ESYT1: variants seen among roughly 807,000 people sequenced by gnomAD.
The protein encoded by ESYT1 is extended synaptotagmin 1.
A neutral mutation model predicts 154.2 loss-of-function variants in ESYT1; 116 were observed. The observed-to-expected ratio is 0.75, with a 90% CI of 0.65 to 0.88. The LOEUF (loss-of-function observed/expected upper bound fraction) is 0.88. Among genes scored for constraint, ESYT1 ranks in the 40% least tolerant of loss-of-function variants. ESYT1 has a pLI of 0.00. For missense variants in ESYT1, 1,264 were observed against 1,379.3 expected (o/e 0.92, Z 1.32); for synonymous variants, 500 against 539.9 (o/e 0.93, Z 1.02).
At chr12:56,132,361 C>T in intron 8 of ESYT1, 29 bp downstream of exon 8, 1 of 1,614,090 alleles carries the variant, frequency 6.2e-7, no homozygotes, top group Non-Finnish European at 8.5e-7. Context: ...TAGATAGATC[C>T]TTCTCTCAGG....
In ESYT1 at chr12:56,136,832, A is replaced by G. The variant is rs775919853; in HGVS notation, c.1721A>G (p.Gln574Arg). 4 of 1,610,320 alleles carry G rather than the reference A, an allele frequency of 2.5e-6. No individual in the cohort carries two copies. The East Asian group carries it at 6.7e-5, about 27-fold the overall frequency. ...ACTGCCCCAGAACTCATCCTGGACC[A>G]GTGGTTCCAGCTCAGCAGCTCTGGT... ...LLTAPELILDQWFQLSSSGPN... is the reference protein window; with the variant it reads ...LLTAPELILDRWFQLSSSGPN... The change falls in exon 16 of 31, where the codon CAG (glutamine) becomes CGG (arginine). Residue 574 changes from glutamine (Q) to arginine (R), a missense_variant. By Grantham distance (43) the Gln-to-Arg change is conservative. Transcript: ENST00000394048.
intron 11 of ESYT1, 31 bp from the exon 12 acceptor site, chr12:56,133,557 C>G (rs199574492): frequency 4.3e-6 from 7 of 1,612,860 alleles, no homozygotes; most frequent in Admixed American, 3.3e-5. Context: ...GAGCAGGTAT[C>G]TGATCTCTAC....
chr12:56,140,139 A>T (rs938305485), intron 24 of ESYT1, among the ~76,000 whole-genome samples: 1 of 152,058 alleles, frequency 6.6e-6, no homozygotes, highest in Non-Finnish European at 1.5e-5. Flanking sequence ...AAGTGCTGGG[A>T]TTACAAGCGT....
intron 16 of ESYT1, 117 bp from the exon 17 acceptor site, chr12:56,137,101 C>T (rs1870489051): frequency 7.1e-7 from 1 of 1,399,846 alleles, no homozygotes; most frequent in Non-Finnish European, 9.9e-7. Flanking sequence ...GAGATGAGCC[C>T]AGCCAGGGCA....
At chr12:56,135,252 T>A (rs1172471343) in intron 15 of ESYT1, among the ~76,000 whole-genome samples, 1 of 149,802 alleles carries the variant, frequency 6.7e-6, no homozygotes, top group Non-Finnish European at 1.5e-5. Context: ...CACCGCAACC[T>A]CCACCTCCTG....
intron 3 of ESYT1, 57 bp from the exon 4 acceptor site, chr12:56,130,983 T>C: frequency 6.2e-7 from 1 of 1,613,612 alleles, no homozygotes; most frequent in Non-Finnish European, 8.5e-7. Context: ...TGGCCCGGAG[T>C]AGACTCAGGT....
chr12:56,140,669 G>T (rs1870653698), intron 24 of ESYT1, among the ~76,000 whole-genome samples: 1 of 152,072 alleles, frequency 6.6e-6, no homozygotes, highest in Non-Finnish European at 1.5e-5. Flanking sequence ...AGTCAGGGAA[G>T]CCTTTAATGA....
In ESYT1 at chr12:56,133,429, T is replaced by C. The variant is rs1870321656; in HGVS notation, c.1257T>C (p.Asp419=). 6.2e-7 allele frequency: 1 copy of C among 1,614,048 alleles called. No homozygotes were observed. The highest frequency in any genetic ancestry group is 8.5e-7 in the Non-Finnish European group (1 of 1,180,044). ...CGCCAACCCTCAGAATGAAGCTGGATGTAGGGAAGGTGTTACAGGCTAGCG... is the reference window on the plus strand; with the variant it reads ...CGCCAACCCTCAGAATGAAGCTGGACGTAGGGAAGGTGTTACAGGCTAGCG... ...KDDFLGRMKL[D]VGKVLQASVL... is the part of the protein sequence containing the mutation. The change falls in exon 11 of 31, where the codon GAT becomes GAC. Residue 419 remains aspartate (D), a synonymous_variant. Coordinates refer to ENST00000394048, the MANE Select transcript of ESYT1 (RefSeq NM_015292.3).
chr12:56,130,485 C>G, intron 1 of ESYT1, 97 bp from the exon 2 acceptor site: 1 of 1,470,910 alleles, frequency 6.8e-7, no homozygotes, highest in Non-Finnish European at 9.5e-7. Context: ...GAGTCACACA[C>G]ACTCCCTCTC....
chr12:56,128,509 G>A lies in ESYT1; in HGVS notation c.190G>A (p.Val64Met), dbSNP rs974708848. Residue 64 changes from valine to methionine, a missense_variant, in exon 1 of 31, where the codon GTG (valine) becomes ATG (methionine). By Grantham distance (21) the Val-to-Met change is conservative. Transcript: ENST00000394048. ...GACTTCATTCGGGAGGCGGTTGCTG[G>A]TGCTGATACCTGTGTATTTGGCCGG... ...VLTSFGRRLL[V>M]LIPVYLAGAV... The A allele has an allele frequency of 1.2e-6, 2 of 1,612,012 alleles. No individual in the cohort carries two copies. Among genetic ancestry groups the A allele is most frequent in the African/African-American group, 2.7e-5 (2 of 74,934 alleles).
chr12:56,134,357 A>T lies in ESYT1; in HGVS notation c.1561A>T (p.Asn521Tyr). Residue 521 changes from asparagine to tyrosine, a missense_variant, in exon 15 of 31, where the codon AAC becomes TAC. Transcript: ENST00000394048. ...ACATCTCCAGGCTGTCTACAGTACC[A>T]ACTGCCCAGTGTGGGAGGAAGCGTT... ...TQESKAVYST[N>Y]CPVWEEAFRF... The T allele has an allele frequency of 6.2e-7, 1 of 1,614,116 alleles. No homozygotes were observed. The highest frequency in any genetic ancestry group is 2.2e-5 in the East Asian group (1 of 44,884).
chr12:56,136,642 T>C (rs1171919109), intron 15 of ESYT1, 102 bp from the exon 16 acceptor site: 14 of 1,027,844 alleles, frequency 1.4e-5, no homozygotes, highest in Non-Finnish European at 1.8e-5. Flanking sequence ...AGGTTTGTGA[T>C]TGGTACAGAG....
intron 1 of ESYT1, 116 bp downstream of exon 1, chr12:56,128,825 A>G: frequency 7.6e-7 from 1 of 1,314,650 alleles, no homozygotes; most frequent in Non-Finnish European, 1.0e-6. Context: ...TGGGCCCCAG[A>G]CTTTCCCCTC....
rs565171614 is a variant in ESYT1 at position 56,128,472 on chromosome 12, C to G, written c.153C>G (p.Ala51=). Residue 51 remains alanine (A), a synonymous_variant, in exon 1 of 31, where the codon GCC becomes GCG. Coordinates refer to ENST00000394048, the MANE Select transcript of ESYT1 (RefSeq NM_015292.3). ...CTGGCCCTGGCGCGGCGGGTGAGGCCCTGGCGGTGCTGACTTCATTCGGGA... is the reference window on the plus strand; with the variant it reads ...CTGGCCCTGGCGCGGCGGGTGAGGCGCTGGCGGTGCTGACTTCATTCGGGA... ...QPAGPGAAGE[A]LAVLTSFGRR... The G allele has an allele frequency of 6.2e-7, 1 of 1,610,860 alleles. No individual in the cohort carries two copies. The highest frequency in any genetic ancestry group is 8.5e-7 in the Non-Finnish European group (1 of 1,178,482).
rs962381499 is a variant in ESYT1, at chr12:56,138,843, T to G, written c.2505+4T>G. On this transcript the variant is annotated splice_donor_region_variant and intron_variant, in intron 23 of 30. Coordinates refer to ENST00000394048, the MANE Select transcript of ESYT1 (RefSeq NM_015292.3). ...AGATAGTTCTCATAAAACCAAGGTA[T>G]GAAGAAATGCTGCAGGGTAAAAATG... 2 of 1,614,024 alleles carry G rather than the reference T, an allele frequency of 1.2e-6. No individual in the cohort carries two copies. The highest frequency in any genetic ancestry group is 1.7e-6 in the Non-Finnish European group (2 of 1,179,918).
In ESYT1 at chr12:56,133,687, G is replaced by T. The variant is rs1358428283; in HGVS notation, c.1380+13G>T. On this transcript the variant is annotated intron_variant, in intron 12 of 30. Coordinates refer to ENST00000394048, the MANE Select transcript of ESYT1 (RefSeq NM_015292.3). The stretch of plus-strand genomic sequence containing the variant: ...GAAACTGGAGCAGGTAAGCCACATG[G>T]GAAATAGGAAGCTGGCAGGGGAGAA... 1 of 1,614,162 alleles carries T rather than the reference G, an allele frequency of 6.2e-7. No individual in the cohort carries two copies. The highest frequency in any genetic ancestry group is 1.1e-5 in the South Asian group (1 of 91,084).
intron 11 of ESYT1, 39 bp downstream of exon 11, chr12:56,133,504 C>G (rs1870325943): frequency 1.9e-6 from 3 of 1,613,960 alleles, no homozygotes; most frequent in Non-Finnish European, 2.5e-6. Context: ...CTGATCTCAC[C>G]CTTTGGGTAG....
chr12:56,140,555 G>C (rs990717424), intron 24 of ESYT1, among the ~76,000 whole-genome samples: 1 of 151,942 alleles, frequency 6.6e-6, no homozygotes, highest in African/African-American at 2.4e-5. Context: ...AGAGAGACGG[G>C]GTTTCACCAT....
intron 4 of ESYT1, 42 bp from the exon 5 acceptor site, chr12:56,131,202 C>T (rs2136869427): frequency 1.2e-6 from 2 of 1,613,876 alleles, no homozygotes; most frequent in Non-Finnish European, 1.7e-6. Context: ...CAACTTCAGC[C>T]AAGGACTAAC....
Sources: gnomAD v4.1 joint callset for allele counts (sites outside exome capture counted in the v4.1 genomes callset) on GRCh38, gnomAD v4.1.1 for gene constraint, MANE v1.5 for transcripts, NCBI Gene and HGNC (gene_info 2026-07-23, HGNC 2026-07-21) for gene names.